TANC2: variants seen among roughly 807,000 people sequenced by gnomAD.
TANC2 encodes tetratricopeptide repeat, ankyrin repeat and coiled-coil containing 2.
Under a neutral mutation model 210.5 loss-of-function variants are expected in TANC2, and 26 were observed. The ratio of observed to expected loss-of-function variants is 0.12; its 90% CI spans 0.09 to 0.17. The LOEUF (loss-of-function observed/expected upper bound fraction) is 0.17, where lower values mean the gene tolerates loss of function less well. Ranked by LOEUF, TANC2 falls within the 10% of genes least tolerant of loss-of-function variation. The pLI is 1.00. For synonymous variants in TANC2, 931 were observed against 967.1 expected (o/e 0.96, Z 0.69); for missense variants, 2,129 against 2,608.9 (o/e 0.82, Z 4.01).
chr17:63,363,827 C>G (rs1323229611), intron 14 of TANC2, among the ~76,000 whole-genome samples: 1 of 152,164 alleles, frequency 6.6e-6, no homozygotes, highest in Non-Finnish European at 1.5e-5. Flanking sequence ...TTTGGCTATT[C>G]TGGGTCTTTC....
At chr17:63,098,509 C>A (rs56692653) in intron 3 of TANC2, among the ~76,000 whole-genome samples, 5 of 66,644 alleles carry the variant, frequency 7.5e-5, no homozygotes, top group African/African-American at 3.0e-4. Flanking sequence ...CTCTCTCTCT[C>A]TGTGTGTATA....
chr17:63,065,427 A>C (rs1183230017), intron 2 of TANC2, among the ~76,000 whole-genome samples: 1 of 152,228 alleles, frequency 6.6e-6, no homozygotes, highest in Non-Finnish European at 1.5e-5. Flanking sequence ...ATATATACCC[A>C]AAAGTGGGAA....
chr17:63,083,046 A>G (rs1255849072), intron 3 of TANC2, among the ~76,000 whole-genome samples: 1 of 152,236 alleles, frequency 6.6e-6, no homozygotes, highest in African/African-American at 2.4e-5. Flanking sequence ...ATGAGTCAGT[A>G]TAGAACAGTA....
At chr17:63,048,022 C>A (rs2144345163) in intron 2 of TANC2, among the ~76,000 whole-genome samples, 1 of 152,240 alleles carries the variant, frequency 6.6e-6, no homozygotes, top group Admixed American at 6.5e-5. Flanking sequence ...TATCAGGATT[C>A]TTTTCTGTAT....
At chr17:63,150,772 T>C (rs1355956543) in intron 4 of TANC2, 2 of 152,296 alleles carry the variant, frequency 1.3e-5, no homozygotes, top group South Asian at 2.1e-4. Context: ...ATTAGAGTAG[T>C]TATTTCTGGA....
At chr17:63,284,150 CT>C (rs1198886256) in intron 9 of TANC2, among the ~76,000 whole-genome samples, 9 of 151,642 alleles carry the variant, frequency 5.9e-5, no homozygotes, top group Admixed American at 2.0e-4. Context: ...TTTGTTGATA[CT>C]TTTTTTTCAA....
intron 4 of TANC2, among the ~76,000 whole-genome samples, chr17:63,131,824 C>G (rs1338710064): frequency 6.6e-6 from 1 of 152,124 alleles, no homozygotes; most frequent in Non-Finnish European, 1.5e-5. Context: ...CTGTAAGACT[C>G]GCCAGCCTAC....
At chr17:63,024,746 G>C (rs1311461555) in intron 2 of TANC2, among the ~76,000 whole-genome samples, 1 of 152,204 alleles carries the variant, frequency 6.6e-6, no homozygotes, top group African/African-American at 2.4e-5. Flanking sequence ...TTATAGGTGA[G>C]ATATTAAATG....
chr17:63,039,697 C>T (rs1386497216), intron 2 of TANC2, among the ~76,000 whole-genome samples: 1 of 152,110 alleles, frequency 6.6e-6, no homozygotes, highest in Non-Finnish European at 1.5e-5. Flanking sequence ...AAATTGTTAA[C>T]AAGATAAAAG....
At chr17:63,020,979 C>G (rs1335467806) in intron 2 of TANC2, among the ~76,000 whole-genome samples, 1 of 152,146 alleles carries the variant, frequency 6.6e-6, no homozygotes, top group Non-Finnish European at 1.5e-5. Flanking sequence ...TTAAGTAGAA[C>G]TCCCTCATTA....
chr17:63,224,684 C>T (rs1437853458), intron 7 of TANC2, among the ~76,000 whole-genome samples: 1 of 152,212 alleles, frequency 6.6e-6, no homozygotes, highest in Non-Finnish European at 1.5e-5. Context: ...AGGATGGTCA[C>T]CTTCAGGCTT....
At chr17:63,343,774 T>C (rs2046314013) in intron 12 of TANC2, among the ~76,000 whole-genome samples, 1 of 152,064 alleles carries the variant, frequency 6.6e-6, no homozygotes. Flanking sequence ...TGCACAGCTG[T>C]AGTCCCAGCT....
intron 9 of TANC2, among the ~76,000 whole-genome samples, chr17:63,299,401 C>T (rs1457974391): frequency 2.6e-5 from 4 of 152,030 alleles, no homozygotes; most frequent in African/African-American, 7.3e-5. Context: ...AGTGTAAAAG[C>T]GTTCCTTTTT....
intron 4 of TANC2, among the ~76,000 whole-genome samples, chr17:63,139,218 T>C (rs1290806543): frequency 6.6e-6 from 1 of 152,250 alleles, no homozygotes; most frequent in Non-Finnish European, 1.5e-5. Context: ...ATGACTGTAA[T>C]GCCACTTGTG....
rs1345734020 is a variant in TANC2 at position 63,324,267 on chromosome 17, G to A, written c.1575+5177G>A. Reference sequence around the variant, plus strand: ...TGTCACAGAGATACAAAAAGCAAAGGTTTTTTTTCCCAAGGAAATCTATGT... The same window carrying A: ...TGTCACAGAGATACAAAAAGCAAAGATTTTTTTTCCCAAGGAAATCTATGT... On this transcript the variant is annotated intron_variant, in intron 11 of 27. Transcript: ENST00000689528. Among the ~76,000 whole-genome samples, 14 of 151,988 alleles carry A rather than the reference G, an allele frequency of 9.2e-5. No individual in the cohort carries two copies. The South Asian group carries it at 2.3e-3, about 25-fold the overall frequency.
At chr17:63,110,771 C>G (rs1198363610) in intron 4 of TANC2, among the ~76,000 whole-genome samples, 1 of 152,150 alleles carries the variant, frequency 6.6e-6, no homozygotes, top group African/African-American at 2.4e-5. Flanking sequence ...ATTTCAACAC[C>G]TGAATTTTGG....
At position 62,966,237 on chromosome 17, in the gene TANC2, C is replaced by G. The variant is rs1210361799; in HGVS notation, c.-536C>G. 2.7e-5 allele frequency among the ~76,000 whole-genome samples: 4 copies of G among 146,392 alleles called. No homozygotes were observed. Among genetic ancestry groups the G allele is most frequent in the African/African-American group, 9.8e-5 (4 of 40,786 alleles). On this transcript the variant is annotated 5_prime_UTR_variant, in exon 1 of 28. Transcript: ENST00000689528. This position sits in a 1 kb window ranked among gnomAD's most constrained non-coding sequence, Gnocchi z 5.1. Reference sequence around the variant, plus strand: ...GGGTGCGACGCCCCCAGCGCGGCGGCGGCGCTAGCGAGCGGCCGGCGGGGC... The same window carrying G: ...GGGTGCGACGCCCCCAGCGCGGCGGGGGCGCTAGCGAGCGGCCGGCGGGGC...
intron 7 of TANC2, among the ~76,000 whole-genome samples, chr17:63,225,108 C>G (rs10506520): frequency 0.076 from 11,574 of 152,184 alleles, 1,391 homozygotes; most frequent in African/African-American, 0.25. Context: ...TTAATTTCAT[C>G]TCCCTCTCAC....
intron 8 of TANC2, among the ~76,000 whole-genome samples, chr17:63,264,572 T>C (rs540326562): frequency 1.3e-5 from 2 of 152,304 alleles, no homozygotes; most frequent in South Asian, 4.1e-4. Context: ...GAAAGCTTCA[T>C]TGTAATATTA....
Sources: gnomAD v4.1 joint callset for allele counts (sites outside exome capture counted in the v4.1 genomes callset) on GRCh38, gnomAD v4.1.1 for gene constraint, Gnocchi (gnomAD v3.1) non-coding constraint, MANE v1.5 for transcripts, NCBI Gene and HGNC (gene_info 2026-07-23, HGNC 2026-07-21) for gene names.